APC: variants seen among roughly 807,000 people sequenced by gnomAD.
The protein encoded by APC is APC regulator of Wnt signaling pathway.
In APC, 72 loss-of-function variants were observed where a neutral mutation model predicts 247.0. That is an observed-to-expected ratio of 0.29 (90% CI 0.24 to 0.35). APC has a LOEUF of 0.35. APC is among the 10% of genes least tolerant of loss of function. The pLI is 1.00. For missense variants in APC, 3,400 were observed against 3,360.7 expected (o/e 1.01, Z -0.29); for synonymous variants, 1,254 against 1,162.5 (o/e 1.08, Z -1.60).
chr5:112,747,240 G>GA (rs1244327206), intron 1 of APC, among the ~76,000 whole-genome samples: 1 of 100,396 alleles, frequency 1.0e-5, no homozygotes, highest in Non-Finnish European at 2.1e-5. Flanking sequence ...CCTTTTTCTT[G>GA]AGGGGGGAAA....
intron 8 of APC, among the ~76,000 whole-genome samples, chr5:112,815,202 A>G (rs1259796766): frequency 1.3e-5 from 2 of 152,164 alleles, no homozygotes; most frequent in Non-Finnish European, 2.9e-5. Context: ...ATGTGGTTTT[A>G]TTTATTTAGA....
rs759407858 is a variant in APC, at chr5:112,839,146, C to G, written c.3552C>G (p.Ala1184=). 1 of 1,613,990 alleles carries G rather than the reference C, an allele frequency of 6.2e-7. No individual in the cohort carries two copies. Among genetic ancestry groups the G allele is most frequent in the South Asian group, 1.1e-5 (1 of 91,072 alleles). The change falls in exon 16 of 16, where the codon GCC becomes GCG. Residue 1184 remains alanine (A), a synonymous_variant. Transcript: ENST00000257430. This position sits in a 1 kb window ranked among gnomAD's most constrained non-coding sequence, Gnocchi z 5.0. The part of the protein sequence containing the change: ...DQPIDYSLKY[A]TDIPSSQKQS... ...CTATTGATTATAGTTTAAAATATGC[C>G]ACAGATATTCCTTCATCACAGAAAC... is the stretch of plus-strand genomic sequence containing the variant.
intron 7 of APC, among the ~76,000 whole-genome samples, chr5:112,797,665 A>C (rs1382482762): frequency 1.3e-5 from 2 of 152,222 alleles, no homozygotes; most frequent in African/African-American, 4.8e-5. Flanking sequence ...TGTGAGGACA[A>C]TGCAGTGTGT....
chr5:112,834,277 T>C (rs912050707), intron 14 of APC, among the ~76,000 whole-genome samples: 1 of 144,190 alleles, frequency 6.9e-6, no homozygotes, highest in African/African-American at 2.6e-5. Flanking sequence ...AGTTTCGCTC[T>C]GTCAGCCAGG....
chr5:112,838,278 C>T lies in APC; in HGVS notation c.2684C>T (p.Ser895Leu), dbSNP rs2149875189. The T allele has an allele frequency of 6.2e-7, 1 of 1,614,214 alleles. No homozygotes were observed. Among genetic ancestry groups the T allele is most frequent in the Non-Finnish European group, 8.5e-7 (1 of 1,180,042 alleles). The change falls in exon 16 of 16, where the codon TCA (serine) becomes TTA (leucine). Residue 895 changes from serine (S) to leucine (L), a missense_variant. Around this residue, in one of 9 missense-constraint regions of APC, gnomAD observed 715 missense variants for 656.6 expected, o/e 1.09. Transcript: ENST00000257430. ...AQIAKVMEEV[S>L]AIHTSQEDRS... ...ATTGCCAAAGTCATGGAAGAAGTGTCAGCCATTCATACCTCTCAGGAAGAC... is the reference window on the plus strand; with the variant it reads ...ATTGCCAAAGTCATGGAAGAAGTGTTAGCCATTCATACCTCTCAGGAAGAC...
At chr5:112,713,856 C>CA (rs908832682) in intron 1 of APC, among the ~76,000 whole-genome samples, 7 of 152,138 alleles carry the variant, frequency 4.6e-5, no homozygotes, top group African/African-American at 1.7e-4. Context: ...CAGGGTTTCG[C>CA]AATGTTGGCT....
intron 4 of APC, 58 bp from the exon 5 acceptor site, chr5:112,775,571 T>TTC (rs1561477482): frequency 9.7e-7 from 1 of 1,028,332 alleles, no homozygotes; most frequent in South Asian, 1.4e-5. Context: ...AGTATTGCTC[T>TTC]TCTGCAGTCT....
At chr5:112,747,438 G>T (rs1264237509) in intron 1 of APC, among the ~76,000 whole-genome samples, 1 of 152,130 alleles carries the variant, frequency 6.6e-6, no homozygotes, top group African/African-American at 2.4e-5. Context: ...TGATGTAATT[G>T]CACTGTTTAT....
chr5:112,739,232 T>C (rs752109374), intron 1 of APC, among the ~76,000 whole-genome samples: 2 of 152,230 alleles, frequency 1.3e-5, no homozygotes, highest in African/African-American at 4.8e-5. Flanking sequence ...GTGTTTTTCA[T>C]TGAGCTTTTT....
In APC at chr5:112,747,566, T is replaced by C. The variant is rs1041224546; in HGVS notation, c.-18-7307T>C. 1.6e-4 allele frequency among the ~76,000 whole-genome samples: 25 copies of C among 152,230 alleles called. 1 individual carries two copies. Among genetic ancestry groups the C allele is most frequent in the Non-Finnish European group, 3.5e-4 (24 of 68,044 alleles). ...TCTAAATGTAAAGTAAAATTTCTTA[T>C]TCAAGCTAGTGAATTAATCTCCCAA... is the stretch of plus-strand genomic sequence containing the variant. On this transcript the variant is annotated intron_variant, in intron 1 of 15. Transcript: ENST00000257430.
In APC at chr5:112,836,165, T is replaced by TC. The variant is rs59050067; in HGVS notation, c.1958+1014dup. Among the ~76,000 whole-genome samples the TC allele has an allele frequency of 1.9e-3, 46 of 24,476 alleles. 2 individuals are homozygous for TC. Among genetic ancestry groups the TC allele is most frequent in the African/African-American group, 3.7e-3 (35 of 9,558 alleles). The allele number at this position is 24,476 out of a possible 152,430, so 16.1% of individuals were successfully genotyped here. On this transcript the variant is annotated intron_variant, in intron 15 of 15. Coordinates refer to ENST00000257430, the MANE Select transcript of APC (RefSeq NM_000038.6). ...CCTCCCGAGTAGCTGGGATTACAGG[T>TC]CCCCCCCCCCCCCCGCCACCGTGCC...
chr5:112,782,051 G>A (rs1380269586), intron 6 of APC, among the ~76,000 whole-genome samples: 1 of 152,200 alleles, frequency 6.6e-6, no homozygotes, highest in Non-Finnish European at 1.5e-5. Flanking sequence ...TCAGGCTTCT[G>A]ATAAATACAT....
intron 11 of APC, 107 bp from the exon 12 acceptor site, chr5:112,827,001 A>T: frequency 9.3e-7 from 1 of 1,079,844 alleles, no homozygotes; most frequent in Non-Finnish European, 1.4e-6. Flanking sequence ...TAAACCATAT[A>T]TTCTCATTGA....
At chr5:112,757,926 T>C (rs957156036) in intron 2 of APC, among the ~76,000 whole-genome samples, 1 of 152,204 alleles carries the variant, frequency 6.6e-6, no homozygotes, top group Non-Finnish European at 1.5e-5. Context: ...TTATTGTGTT[T>C]GTGTTTAGAA....
At chr5:112,735,256 A>G (rs898159317), upstream of APC, among the ~76,000 whole-genome samples, 1 of 151,884 alleles carries the variant, frequency 6.6e-6, no homozygotes. Context: ...GCTCACTGCA[A>G]CCTCTGCCTC....
At chr5:112,798,119 T>G (rs1760403539) in intron 7 of APC, among the ~76,000 whole-genome samples, 2 of 152,222 alleles carry the variant, frequency 1.3e-5, no homozygotes, top group Non-Finnish European at 2.9e-5. Context: ...AGACTTAGAC[T>G]TGTATGTTCA....
chr5:112,772,650 A>G (rs1190610162), intron 4 of APC, among the ~76,000 whole-genome samples: 1 of 151,594 alleles, frequency 6.6e-6, no homozygotes, highest in Admixed American at 6.6e-5. Context: ...CCAAGCAGCT[A>G]GGACTATGAG....
chr5:112,707,551 G>A lies in APC; in HGVS notation c.-167G>A, dbSNP rs1278244063. 7 of 570,140 alleles carry A rather than the reference G, an allele frequency of 1.2e-5. No homozygotes were observed. The highest frequency in any genetic ancestry group is 7.5e-5 in the African/African-American group (4 of 53,390). The allele number at this position is 570,140 out of a possible 1,614,324, so 35.3% of individuals were successfully genotyped here. ...ATGGCGGAGGGCAAGTAGCAAGGGG[G>A]CGGGGTGTGGCCGCCGGAAGCCTAG... is the stretch of plus-strand genomic sequence containing the variant. On this transcript the variant is annotated 5_prime_UTR_variant, in exon 1 of 14. Coordinates refer to the APC transcript ENST00000507379.
intron 8 of APC, among the ~76,000 whole-genome samples, chr5:112,807,486 T>G (rs138185127): frequency 0.011 from 1,715 of 152,246 alleles, 9 homozygotes; most frequent in Middle Eastern, 0.034. Context: ...TTCCTATCTA[T>G]ATGTGGTTTA....
Sources: allele counts gnomAD v4.1 joint callset (sites outside exome capture counted in the v4.1 genomes callset), GRCh38; gene constraint gnomAD v4.1.1; regional missense constraint gnomAD v4.1.1; non-coding constraint Gnocchi (gnomAD v3.1); transcripts MANE v1.5; gene names NCBI Gene and HGNC (gene_info 2026-07-23, HGNC 2026-07-21).